Variants in GRHL2 observed in about 807,000 individuals in gnomAD.
The protein encoded by GRHL2 is grainyhead-like protein 2 homolog.
In GRHL2, 21 loss-of-function variants were observed where a neutral mutation model predicts 83.8. That is an observed-to-expected ratio of 0.25 (90% CI 0.18 to 0.36). GRHL2 has a LOEUF of 0.36. Ranked by LOEUF, GRHL2 falls within the 10% of genes least tolerant of loss-of-function variation. The probability of loss-of-function intolerance (pLI) is 1.00; values close to 1 mark genes in which losing one functional copy is unlikely to be tolerated. For synonymous variants in GRHL2, 280 were observed against 278.9 expected (o/e 1.00, Z -0.04); for missense variants, 623 against 781.8 (o/e 0.80, Z 2.42).
rs1328719139 is a variant in GRHL2 at position 101,666,967 on chromosome 8, C to T, written c.*264C>T. On this transcript the variant is annotated 3_prime_UTR_variant, in exon 16 of 16. Coordinates refer to ENST00000646743, the MANE Select transcript of GRHL2 (RefSeq NM_024915.4). ...GATTCCTATTTATTGCCCACCTTTT[C>T]CTGGAGCCCAGGTCCAGGCCCGCCA... 4 of 557,420 alleles carry T rather than the reference C, an allele frequency of 7.2e-6. No homozygotes were observed. Among genetic ancestry groups the T allele is most frequent in the East Asian group, 3.1e-5 (1 of 32,140 alleles). The allele number at this position is 557,420 out of a possible 1,614,324, so 34.5% of individuals were successfully genotyped here. A position where few individuals can be genotyped will look rare whatever the true frequency, so the allele number is the denominator to read the frequency against.
At position 101,649,563 on chromosome 8, in the gene GRHL2, T is replaced by A. The variant is rs1813580435; in HGVS notation, c.1698+64T>A. The A allele has an allele frequency of 4.1e-6, 5 of 1,230,180 alleles. No individual in the cohort carries two copies. In the Middle Eastern group the frequency reaches 5.6e-4, roughly 137 times the overall value. 76.2% of individuals were successfully genotyped at this position (1,230,180 alleles called of 1,614,324 possible). A position where few individuals can be genotyped will look rare whatever the true frequency, so the allele number is the denominator to read the frequency against. ...TGTGTTCTCTCTCCTCTGGAATCCA[T>A]GTACTAACGTGCAGCCACCGAGATG... On this transcript the variant is annotated intron_variant, in intron 14 of 15. Transcript: ENST00000646743.
chr8:101,586,399 G>A (rs1812172325), intron 7 of GRHL2, among the ~76,000 whole-genome samples: 1 of 151,740 alleles, frequency 6.6e-6, no homozygotes, highest in South Asian at 2.1e-4. Flanking sequence ...CCCATCTCTG[G>A]GGTTCTCCTT....
chr8:101,581,962 G>A (rs1271817987), intron 7 of GRHL2, among the ~76,000 whole-genome samples: 4 of 152,212 alleles, frequency 2.6e-5, no homozygotes, highest in African/African-American at 7.2e-5. Context: ...CTGAAGCTGG[G>A]CGCAGTGGCT....
In GRHL2 at chr8:101,492,753, A is replaced by G. The variant is rs1809990285; in HGVS notation, c.-17A>G. ...CTGAGGCTCCAGGAAAAGCGGAGCA[A>G]GTTCATTGGATCAAACATGTCACAA... On this transcript the variant is annotated 5_prime_UTR_variant, in exon 1 of 16. Transcript: ENST00000646743. 3 of 1,613,198 alleles carry G rather than the reference A, an allele frequency of 1.9e-6. No individual in the cohort carries two copies. Among genetic ancestry groups the G allele is most frequent in the South Asian group, 2.2e-5 (2 of 91,062 alleles).
intron 1 of GRHL2, among the ~76,000 whole-genome samples, chr8:101,511,607 CCA>C (rs1810467148): frequency 2.0e-5 from 3 of 151,810 alleles, no homozygotes; most frequent in African/African-American, 7.3e-5. Flanking sequence ...CCTTGGCCTT[CCA>C]AAGTACTGGG....
intron 1 of GRHL2, among the ~76,000 whole-genome samples, chr8:101,496,779 A>G (rs1358323493): frequency 2.6e-5 from 4 of 152,124 alleles, no homozygotes; most frequent in Non-Finnish European, 5.9e-5. Flanking sequence ...GAAGTGAGGG[A>G]TCAAGCCCTA....
At chr8:101,501,977 C>T (rs1810238456) in intron 1 of GRHL2, among the ~76,000 whole-genome samples, 1 of 151,810 alleles carries the variant, frequency 6.6e-6, no homozygotes, top group African/African-American at 2.4e-5. Context: ...GGTTAAGATT[C>T]TGATACCATT....
At chr8:101,569,566 C>T (rs1811780806) in intron 4 of GRHL2, among the ~76,000 whole-genome samples, 1 of 152,190 alleles carries the variant, frequency 6.6e-6, no homozygotes, top group South Asian at 2.1e-4. Flanking sequence ...AACTCTTGGG[C>T]TCAAGCGATG....
intron 1 of GRHL2, among the ~76,000 whole-genome samples, chr8:101,509,107 C>CTCCTTCCT (rs4002326): frequency 5.2e-4 from 49 of 94,762 alleles, no homozygotes; most frequent in African/African-American, 1.3e-3. Flanking sequence ...CTTTCTTTCT[C>CTCCTTCCT]TCCTTCCTTC....
chr8:101,579,059 G>C (rs1024759356), intron 7 of GRHL2, among the ~76,000 whole-genome samples: 1 of 152,194 alleles, frequency 6.6e-6, no homozygotes, highest in Non-Finnish European at 1.5e-5. Context: ...TGCAAGAGCC[G>C]GGATAAGATC....
intron 7 of GRHL2, among the ~76,000 whole-genome samples, chr8:101,584,191 T>G (rs979072062): frequency 1.3e-5 from 2 of 152,264 alleles, no homozygotes; most frequent in African/African-American, 4.8e-5. Context: ...TTATTAATAT[T>G]AATCCTGTAG....
At chr8:101,640,396 G>C (rs1326908019) in intron 12 of GRHL2, among the ~76,000 whole-genome samples, 1 of 152,076 alleles carries the variant, frequency 6.6e-6, no homozygotes, top group African/African-American at 2.4e-5. Context: ...AAATGGAAGA[G>C]AGGGAGATAG....
intron 1 of GRHL2, among the ~76,000 whole-genome samples, chr8:101,514,624 C>T (rs1810531845): frequency 6.6e-6 from 1 of 152,206 alleles, no homozygotes; most frequent in African/African-American, 2.4e-5. Context: ...TGCAGCTGGG[C>T]CCATGGGCAG....
At chr8:101,616,363 G>T (rs1316800861) in intron 8 of GRHL2, among the ~76,000 whole-genome samples, 1 of 151,906 alleles carries the variant, frequency 6.6e-6, no homozygotes, top group African/African-American at 2.4e-5. Flanking sequence ...TAGAGATGGG[G>T]TTTCACCATG....
At chr8:101,545,692 T>C (rs2130130341) in intron 2 of GRHL2, among the ~76,000 whole-genome samples, 1 of 152,068 alleles carries the variant, frequency 6.6e-6, no homozygotes, top group East Asian at 1.9e-4. Flanking sequence ...ACTGGGCCAC[T>C]TCTTGAGGGC....
At chr8:101,504,316 C>A (rs1333472138) in intron 1 of GRHL2, among the ~76,000 whole-genome samples, 1 of 152,116 alleles carries the variant, frequency 6.6e-6, no homozygotes, top group Admixed American at 6.5e-5. Context: ...TGTGTTAAGT[C>A]CAATCATTAA....
chr8:101,564,410 T>TCTG (rs1458270035), intron 4 of GRHL2, among the ~76,000 whole-genome samples: 2 of 152,228 alleles, frequency 1.3e-5, no homozygotes, highest in African/African-American at 4.8e-5. Flanking sequence ...GACCAATTCT[T>TCTG]CTGTGTGTAT....
chr8:101,586,969 T>A (rs17477457), intron 7 of GRHL2, among the ~76,000 whole-genome samples: 4 of 152,192 alleles, frequency 2.6e-5, no homozygotes, highest in African/African-American at 9.7e-5. Context: ...TAAATACCTC[T>A]GAGACTTAAT....
At chr8:101,542,831 G>A (rs745659479) in intron 1 of GRHL2, 14 of 456,924 alleles carry the variant, frequency 3.1e-5, no homozygotes, top group African/African-American at 2.8e-4. Context: ...AGCAAGAGGG[G>A]GTGAAGCTAT....
Sources: allele counts gnomAD v4.1 joint callset (sites outside exome capture counted in the v4.1 genomes callset), GRCh38; gene constraint gnomAD v4.1.1; transcripts MANE v1.5; gene names NCBI Gene and HGNC (gene_info 2026-07-23, HGNC 2026-07-21).